The following ELMO1 variants were observed in gnomAD, a reference collection of about 807,000 sequenced individuals.
ELMO1 encodes engulfment and cell motility protein 1.
Under a neutral mutation model 98.9 loss-of-function variants are expected in ELMO1, and 26 were observed. That is an observed-to-expected ratio of 0.26 (90% CI 0.19 to 0.36). The LOEUF (loss-of-function observed/expected upper bound fraction) is 0.36. ELMO1 is among the 10% of genes least tolerant of loss of function. The probability of loss-of-function intolerance (pLI) is 1.00; values close to 1 mark genes in which losing one functional copy is unlikely to be tolerated. For synonymous variants in ELMO1, 346 were observed against 346.0 expected (o/e 1.00, Z 0.00); for missense variants, 627 against 935.2 (o/e 0.67, Z 4.30).
chr7:37,104,430 C>T (rs1329836936), intron 14 of ELMO1, among the ~76,000 whole-genome samples: 1 of 152,034 alleles, frequency 6.6e-6, no homozygotes, highest in Admixed American at 6.6e-5. Flanking sequence ...TGAGGTGGAA[C>T]CCACAAAAAT....
chr7:37,129,536 T>C (rs1002852907), intron 14 of ELMO1, among the ~76,000 whole-genome samples: 3 of 152,188 alleles, frequency 2.0e-5, no homozygotes, highest in African/African-American at 7.2e-5. Context: ...ACCTGCATTA[T>C]CTGTTTCCTT....
At chr7:37,169,727 A>G (rs1254223504) in intron 13 of ELMO1, among the ~76,000 whole-genome samples, 1 of 152,238 alleles carries the variant, frequency 6.6e-6, no homozygotes, top group African/African-American at 2.4e-5. Context: ...AGGGAGGCAC[A>G]TGTCACACAT....
At chr7:37,322,754 G>A (rs561251345) in intron 2 of ELMO1, among the ~76,000 whole-genome samples, 2 of 152,018 alleles carry the variant, frequency 1.3e-5, no homozygotes, top group Admixed American at 6.6e-5. Context: ...AGTGAGCCGA[G>A]ATAGTACCAC....
chr7:37,178,391 C>A (rs934660528), intron 13 of ELMO1, among the ~76,000 whole-genome samples: 4 of 151,044 alleles, frequency 2.6e-5, no homozygotes, highest in African/African-American at 4.9e-5. Context: ...GAGTTGTTCC[C>A]ACAACACACG....
At chr7:37,033,634 C>T (rs780191892) in intron 15 of ELMO1, among the ~76,000 whole-genome samples, 5 of 152,102 alleles carry the variant, frequency 3.3e-5, no homozygotes, top group African/African-American at 4.8e-5. Flanking sequence ...TGAAATGAGG[C>T]AAATGCAGTG....
chr7:36,933,166 G>A (rs536330641), intron 16 of ELMO1, among the ~76,000 whole-genome samples: 1 of 152,310 alleles, frequency 6.6e-6, no homozygotes, highest in East Asian at 1.9e-4. Context: ...ACTCACCCGT[G>A]CTTTGAGAAG....
intron 14 of ELMO1, among the ~76,000 whole-genome samples, chr7:37,101,696 G>T (rs1367739732): frequency 1.3e-5 from 2 of 151,802 alleles, no homozygotes; most frequent in African/African-American, 4.9e-5. Flanking sequence ...TATCTTATCA[G>T]CAGGTGCATT....
At chr7:37,034,020 C>T (rs376004019) in intron 15 of ELMO1, among the ~76,000 whole-genome samples, 256 of 152,268 alleles carry the variant, frequency 1.7e-3, no homozygotes, top group African/African-American at 5.5e-3. Context: ...ATCAGATATA[C>T]GTTTAGGAGA....
At chr7:36,904,252 T>C (rs539729485) in intron 16 of ELMO1, among the ~76,000 whole-genome samples, 2 of 152,202 alleles carry the variant, frequency 1.3e-5, no homozygotes, top group Non-Finnish European at 2.9e-5. Flanking sequence ...GTGATGAAAG[T>C]ATAAAAGGTG....
At chr7:37,069,462 A>G (rs1051297019) in intron 15 of ELMO1, among the ~76,000 whole-genome samples, 3 of 152,188 alleles carry the variant, frequency 2.0e-5, no homozygotes, top group Non-Finnish European at 4.4e-5. Flanking sequence ...CCAGAACCAG[A>G]GTTACTAAAA....
At chr7:37,318,150 C>A (rs538920640) in intron 2 of ELMO1, among the ~76,000 whole-genome samples, 30 of 152,282 alleles carry the variant, frequency 2.0e-4, no homozygotes, top group Non-Finnish European at 4.1e-4. Flanking sequence ...AAGAAGCTGT[C>A]CACTGTTTAT....
intron 11 of ELMO1, among the ~76,000 whole-genome samples, chr7:37,213,884 C>T (rs73341952): frequency 0.013 from 1,959 of 152,300 alleles, 50 homozygotes; most frequent in African/African-American, 0.045. Context: ...CTGTCTCTGA[C>T]AGGTGAGCCC....
chr7:37,326,826 C>A (rs139459469), intron 2 of ELMO1, among the ~76,000 whole-genome samples: 33 of 152,272 alleles, frequency 2.2e-4, no homozygotes, highest in African/African-American at 6.5e-4. Flanking sequence ...TTTAGATATT[C>A]TAACATGCTT....
chr7:37,162,007 A>C (rs1483334603), intron 13 of ELMO1, among the ~76,000 whole-genome samples: 1 of 143,426 alleles, frequency 7.0e-6, no homozygotes, highest in Admixed American at 7.1e-5. Context: ...ACAAAAAAAA[A>C]GGGGAGGAGG....
chr7:37,448,387 C>T (rs1805745173), intron 1 of ELMO1, among the ~76,000 whole-genome samples: 1 of 151,962 alleles, frequency 6.6e-6, no homozygotes, highest in African/African-American at 2.4e-5. Flanking sequence ...GGCGCCGCAC[C>T]TCCAGCGCCC....
At chr7:37,321,716 C>CA (rs565421716) in intron 2 of ELMO1, among the ~76,000 whole-genome samples, 661 of 65,886 alleles carry the variant, frequency 0.01, 13 homozygotes, top group South Asian at 0.013. Flanking sequence ...GACTCCGTCT[C>CA]AAAAAAAAAA....
intron 18 of ELMO1, among the ~76,000 whole-genome samples, chr7:36,879,295 T>G (rs1324360383): frequency 6.6e-6 from 1 of 152,192 alleles, no homozygotes; most frequent in Non-Finnish European, 1.5e-5. Context: ...AGCTGATAAA[T>G]GAAGACCCAA....
At chr7:37,079,275 A>G (rs1269210872) in intron 15 of ELMO1, among the ~76,000 whole-genome samples, 1 of 152,232 alleles carries the variant, frequency 6.6e-6, no homozygotes, top group Admixed American at 6.5e-5. Flanking sequence ...TGTGAAGCAA[A>G]GCCCCTTTAA....
At chr7:37,446,798 C>T (rs528154987) in intron 1 of ELMO1, among the ~76,000 whole-genome samples, 1 of 152,142 alleles carries the variant, frequency 6.6e-6, no homozygotes, top group Admixed American at 6.5e-5. Context: ...TCCCAGCAGT[C>T]CAGGTCATTT....
Sources: gnomAD v4.1 joint callset for allele counts (sites outside exome capture counted in the v4.1 genomes callset) on GRCh38, gnomAD v4.1.1 for gene constraint, MANE v1.5 for transcripts, NCBI Gene and HGNC (gene_info 2026-07-23, HGNC 2026-07-21) for gene names.